Variants in ATRNL1 observed in about 807,000 individuals in gnomAD.
The protein encoded by ATRNL1 is attractin like 1.
ATRNL1 carries 95 observed loss-of-function variants against 182.7 expected under a neutral mutation model. That is an observed-to-expected ratio of 0.52 (90% CI 0.44 to 0.62). The LOEUF (loss-of-function observed/expected upper bound fraction) is 0.62. Among genes scored for constraint, ATRNL1 ranks in the 20% least tolerant of loss-of-function variants. ATRNL1 has a pLI of 0.00. For synonymous variants in ATRNL1, 576 were observed against 568.3 expected, an observed-to-expected ratio of 1.01 and a Z score of -0.19; for missense variants, 1,471 against 1,679.5, an observed-to-expected ratio of 0.88 and a Z score of 2.17.
intron 1 of ATRNL1, among the ~76,000 whole-genome samples, chr10:115,116,518 A>G (rs1844491556): frequency 6.6e-6 from 1 of 152,096 alleles, no homozygotes. Flanking sequence ...TGAATTTTAG[A>G]AGAACAGTTC....
chr10:115,217,816 G>A (rs1554896610), intron 9 of ATRNL1, among the ~76,000 whole-genome samples: 3 of 151,984 alleles, frequency 2.0e-5, no homozygotes, highest in African/African-American at 7.3e-5. Flanking sequence ...ATTTTAATGG[G>A]TCTTAAATTT....
chr10:115,525,984 A>T (rs1554986467), intron 25 of ATRNL1, among the ~76,000 whole-genome samples: 2 of 152,080 alleles, frequency 1.3e-5, no homozygotes, highest in Non-Finnish European at 1.5e-5. Context: ...CTGTGATTTA[A>T]TCCCCCTAAT....
At chr10:115,171,636 C>T (rs529467037) in intron 8 of ATRNL1, among the ~76,000 whole-genome samples, 89 of 152,064 alleles carry the variant, frequency 5.9e-4, no homozygotes, top group Non-Finnish European at 1.2e-3. Flanking sequence ...CTTTACTATG[C>T]ATTGCATGGT....
At chr10:115,161,844 C>A (rs1554883378) in intron 6 of ATRNL1, among the ~76,000 whole-genome samples, 1 of 151,974 alleles carries the variant, frequency 6.6e-6, no homozygotes, top group East Asian at 1.9e-4. Flanking sequence ...AGGATAACAG[C>A]TTTCAGAAGT....
intron 26 of ATRNL1, among the ~76,000 whole-genome samples, chr10:115,658,209 C>A (rs1222165931): frequency 2.0e-5 from 3 of 150,462 alleles, no homozygotes; most frequent in Non-Finnish European, 4.4e-5. Flanking sequence ...CATTCTCCTG[C>A]CTCAGTCTCC....
At chr10:115,126,054 C>G (rs782599215) in intron 3 of ATRNL1, among the ~76,000 whole-genome samples, 5 of 152,094 alleles carry the variant, frequency 3.3e-5, no homozygotes, top group Non-Finnish European at 5.9e-5. Context: ...CAGATCTATT[C>G]TTTTTTGTTT....
chr10:115,942,287 A>C (rs1053982043), intron 28 of ATRNL1, among the ~76,000 whole-genome samples: 2 of 152,222 alleles, frequency 1.3e-5, no homozygotes, highest in Non-Finnish European at 2.9e-5. Context: ...CATGGAACTT[A>C]TGTCTGCTGG....
chr10:115,817,932 G>A (rs76162783), intron 27 of ATRNL1, among the ~76,000 whole-genome samples: 9,134 of 145,644 alleles, frequency 0.063, 888 homozygotes, highest in African/African-American at 0.21. Context: ...TGAAGTTATC[G>A]TGGCTCCAAC....
intron 19 of ATRNL1, among the ~76,000 whole-genome samples, chr10:115,385,316 C>A (rs1165391940): frequency 1.3e-5 from 2 of 152,002 alleles, no homozygotes; most frequent in African/African-American, 2.4e-5. Flanking sequence ...CATTAAATAT[C>A]TTTTCATGTG....
chr10:115,184,103 A>C (rs748414521), intron 8 of ATRNL1, among the ~76,000 whole-genome samples: 4 of 151,512 alleles, frequency 2.6e-5, no homozygotes, highest in African/African-American at 9.7e-5. Flanking sequence ...AAGGATGACT[A>C]TTATGAAATA....
intron 19 of ATRNL1, among the ~76,000 whole-genome samples, chr10:115,357,969 A>G (rs759461655): frequency 2.0e-5 from 3 of 151,650 alleles, no homozygotes; most frequent in East Asian, 3.9e-4. Context: ...TTCTTATTCC[A>G]TCTTTTCCCT....
chr10:115,880,065 C>T (rs782354969), intron 28 of ATRNL1, among the ~76,000 whole-genome samples: 2 of 152,308 alleles, frequency 1.3e-5, no homozygotes, highest in East Asian at 3.9e-4. Flanking sequence ...GAGAAAGCAG[C>T]TTATATTGCT....
intron 21 of ATRNL1, among the ~76,000 whole-genome samples, chr10:115,444,971 T>C (rs1846887323): frequency 6.6e-6 from 1 of 151,560 alleles, no homozygotes; most frequent in Non-Finnish European, 1.5e-5. Flanking sequence ...CCTCAGGTGA[T>C]CTGCCCGCCT....
intron 24 of ATRNL1, among the ~76,000 whole-genome samples, chr10:115,480,291 T>C (rs1848708397): frequency 6.6e-6 from 1 of 150,992 alleles, no homozygotes; most frequent in South Asian, 2.1e-4. Context: ...AACTTATACA[T>C]ATGATTTGAA....
At chr10:115,886,551 C>T (rs1486585597) in intron 28 of ATRNL1, among the ~76,000 whole-genome samples, 1 of 152,072 alleles carries the variant, frequency 6.6e-6, no homozygotes, top group Non-Finnish European at 1.5e-5. Flanking sequence ...ACATTAGTAA[C>T]TCTAAATTAA....
At chr10:115,129,648 T>A (rs1330910740) in intron 5 of ATRNL1, 113 bp downstream of exon 5, 5 of 722,568 alleles carry the variant, frequency 6.9e-6, no homozygotes, top group Non-Finnish European at 8.7e-6. Context: ...CCTTATATAT[T>A]TACTTTTATT....
intron 15 of ATRNL1, among the ~76,000 whole-genome samples, chr10:115,290,278 G>T (rs1371352525): frequency 6.6e-6 from 1 of 152,136 alleles, no homozygotes; most frequent in East Asian, 1.9e-4. Context: ...AGTTGAAGTG[G>T]TGTCATTCCT....
chr10:115,230,564 A>T (rs1445455363), intron 9 of ATRNL1, among the ~76,000 whole-genome samples: 1 of 152,158 alleles, frequency 6.6e-6, no homozygotes, highest in African/African-American at 2.4e-5. Flanking sequence ...GGGCCTTAGA[A>T]AACATTATAG....
Position 115,570,776 on chromosome 10 carries a change from C to T in ATRNL1, c.3795+21240C>T, listed in dbSNP as rs544633242. Among the ~76,000 whole-genome samples, 4 of 152,190 alleles carry T rather than the reference C, an allele frequency of 2.6e-5. No homozygotes were observed. The South Asian group carries it at 6.2e-4, about 24-fold the overall frequency. ...CTTTGGAGCTTACTAATGAGATGCT[C>T]CTTTTTGGAATCTAGCTATCATGTA... is the stretch of plus-strand genomic sequence containing the variant. On this transcript the variant is annotated intron_variant, in intron 26 of 28. Transcript: ENST00000355044.
Sources: gnomAD v4.1 joint callset for allele counts (sites outside exome capture counted in the v4.1 genomes callset) on GRCh38, gnomAD v4.1.1 for gene constraint, MANE v1.5 for transcripts, NCBI Gene and HGNC (gene_info 2026-07-23, HGNC 2026-07-21) for gene names.